The following GKN2 variants were observed in gnomAD, a reference collection of about 807,000 sequenced individuals.
GKN2 encodes the protein gastrokine 2.
Under a neutral mutation model 22.7 loss-of-function variants are expected in GKN2, and 17 were observed. The ratio of observed to expected loss-of-function variants is 0.75; its 90% CI spans 0.51 to 1.13. The LOEUF (loss-of-function observed/expected upper bound fraction) is 1.13, where lower values mean the gene tolerates loss of function less well. Ranked by LOEUF, GKN2 falls within the 50% of genes most tolerant of loss-of-function variation. The pLI is 0.00. For missense variants in GKN2, 248 were observed against 221.4 expected (o/e 1.12, Z -0.76); for synonymous variants, 82 against 79.6 (o/e 1.03, Z -0.16).
At chr2:68,946,004 T>C (rs577477007) in intron 5 of GKN2, 2 of 395,502 alleles carry the variant, frequency 5.1e-6, no homozygotes, top group Non-Finnish European at 8.9e-6. Context: ...AATTCTTACA[T>C]ATGAAAGTAT....
rs915027651 is a variant in GKN2, at chr2:68,950,593, C to G, written c.66+109G>C. ...TCCATTATTGGTTATTTCTGAGATT[C>G]CATCCCAAATAAGGCATATGGCCTC... On this transcript the variant is annotated intron_variant, in intron 2 of 5. Coordinates refer to ENST00000328895, the MANE Select transcript of GKN2 (RefSeq NM_182536.3). 7 of 928,916 alleles carry G rather than the reference C, an allele frequency of 7.5e-6. No individual in the cohort carries two copies. The African/African-American group carries it at 9.9e-5, about 13-fold the overall frequency. 57.5% of individuals were successfully genotyped at this position (928,916 alleles called of 1,614,324 possible).
At position 68,945,242 on chromosome 2, in the gene GKN2, C is replaced by T. The variant is rs1323916242; in HGVS notation, c.*126G>A. On this transcript the variant is annotated 3_prime_UTR_variant, in exon 6 of 6. Transcript: ENST00000328895. The stretch of plus-strand genomic sequence containing the variant: ...ACAAACACCAAAAAATCTATAAATA[C>T]AGCATTTATATTTTCTGACTGAATC... 4.4e-6 allele frequency: 3 copies of T among 682,476 alleles called. No homozygotes were observed. Among genetic ancestry groups the T allele is most frequent in the South Asian group, 5.5e-5 (2 of 36,632 alleles). 42.3% of individuals were successfully genotyped at this position (682,476 alleles called of 1,614,324 possible).
At chr2:68,946,543 C>G (rs976753670) in intron 4 of GKN2, 83 bp from the exon 5 acceptor site, 3 of 1,185,420 alleles carry the variant, frequency 2.5e-6, no homozygotes, top group Non-Finnish European at 3.5e-6. Flanking sequence ...GACAATTTTT[C>G]TCTTTCAGAT....
rs945737072 is a variant in GKN2 at position 68,947,095 on chromosome 2, C to T, written c.315+52G>A. ...ACACTCTTCATTTCTCCATAAATAC[C>T]AGTATTGCCTGGCTTAAGAACAGAG... is the stretch of plus-strand genomic sequence containing the variant. On this transcript the variant is annotated intron_variant, in intron 4 of 5. Transcript: ENST00000328895. The T allele has an allele frequency of 7.7e-6, 8 of 1,042,108 alleles. No homozygotes were observed. In the African/African-American group the frequency reaches 9.4e-5, roughly 12 times the overall value. 64.6% of individuals were successfully genotyped at this position (1,042,108 alleles called of 1,614,324 possible). A position where few individuals can be genotyped will look rare whatever the true frequency, so the allele number is the denominator to read the frequency against.
At chr2:68,950,836 G>T (rs1669844442) in intron 1 of GKN2, 81 bp from the exon 2 acceptor site, 1 of 1,412,354 alleles carries the variant, frequency 7.1e-7, no homozygotes, top group African/African-American at 1.4e-5. Context: ...GACAGGAAAG[G>T]CACAGATATC....
At chr2:68,952,094 C>G (rs1478722751) in intron 1 of GKN2, among the ~76,000 whole-genome samples, 1 of 152,188 alleles carries the variant, frequency 6.6e-6, no homozygotes, top group Non-Finnish European at 1.5e-5. Flanking sequence ...TAGGTCAGAA[C>G]ATAGCCCACT....
At chr2:68,945,920 T>G in intron 5 of GKN2, 1 of 271,732 alleles carries the variant, frequency 3.7e-6, no homozygotes, top group Non-Finnish European at 6.9e-6. Flanking sequence ...CCTGAGAGCA[T>G]TTCTTAGTGA....
chr2:68,949,465 G>A (rs1669822743), intron 3 of GKN2, among the ~76,000 whole-genome samples: 1 of 151,918 alleles, frequency 6.6e-6, no homozygotes, highest in South Asian at 2.1e-4. Context: ...TGTCACCCAG[G>A]CTGGAGTGCA....
chr2:68,946,500 T>A lies in GKN2; in HGVS notation c.316-40A>T, dbSNP rs1404194195. The A allele has an allele frequency of 2.7e-6, 4 of 1,498,644 alleles. No homozygotes were observed. The Admixed American group carries it at 7.1e-5, about 27-fold the overall frequency. The allele number at this position is 1,498,644 out of a possible 1,614,324, so 92.8% of individuals were successfully genotyped here. ...CAGAAAAGAACAACATAAAATAAAT[T>A]GACAAAAATTGGTGTACCTTATTCT... On this transcript the variant is annotated intron_variant, in intron 4 of 5. Transcript: ENST00000328895.
chr2:68,951,333 C>A (rs1176089902), intron 1 of GKN2, among the ~76,000 whole-genome samples: 1 of 152,194 alleles, frequency 6.6e-6, no homozygotes, highest in Non-Finnish European at 1.5e-5. Flanking sequence ...CCCCCATATT[C>A]TCCTATGCCT....
intron 1 of GKN2, among the ~76,000 whole-genome samples, chr2:68,951,216 T>A (rs73935454): frequency 0.031 from 4,717 of 152,178 alleles, 223 homozygotes; most frequent in African/African-American, 0.11. Context: ...GTAATACAGA[T>A]TTAAAATGAA....
chr2:68,949,229 T>C (rs1231403706), intron 3 of GKN2, among the ~76,000 whole-genome samples: 2 of 152,164 alleles, frequency 1.3e-5, no homozygotes, highest in Non-Finnish European at 2.9e-5. Flanking sequence ...TGTGACTTAT[T>C]GTTAATGCCA....
At chr2:68,948,218 C>G (rs930442550) in intron 3 of GKN2, among the ~76,000 whole-genome samples, 1 of 140,670 alleles carries the variant, frequency 7.1e-6, no homozygotes, top group Non-Finnish European at 1.5e-5. Context: ...TGGACTCCAG[C>G]CTGGGTGACA....
chr2:68,950,203 C>A lies in GKN2; in HGVS notation c.127G>T (p.Asp43Tyr). The change falls in exon 3 of 6, where the codon GAT (aspartate) becomes TAT (tyrosine). Residue 43 changes from aspartate (D) to tyrosine (Y), a missense_variant. Asp to Tyr is a radical substitution (Grantham distance 160). Coordinates refer to ENST00000328895, the MANE Select transcript of GKN2 (RefSeq NM_182536.3). ...ATGATGGCGGTATTTTTTTCATTAT[C>A]AATTGTCACTGTCTCCTGAACATTG... Reference protein sequence around the residue: ...GGNVQETVTIDNEKNTAIINI... With the variant: ...GGNVQETVTIYNEKNTAIINI... The A allele has an allele frequency of 6.2e-7, 1 of 1,613,686 alleles. No homozygotes were observed. The highest frequency in any genetic ancestry group is 8.5e-7 in the Non-Finnish European group (1 of 1,179,722).
intron 1 of GKN2, among the ~76,000 whole-genome samples, chr2:68,952,446 T>C (rs1312556707): frequency 6.6e-6 from 1 of 152,228 alleles, no homozygotes; most frequent in Non-Finnish European, 1.5e-5. Context: ...AGGCTTAGTA[T>C]GCATTTGAGA....
chr2:68,950,912 C>T (rs972382519), intron 1 of GKN2, among the ~76,000 whole-genome samples, 157 bp from the exon 2 acceptor site: 1 of 152,196 alleles, frequency 6.6e-6, no homozygotes, highest in Non-Finnish European at 1.5e-5. Context: ...TCCACGCACA[C>T]ATTGATTGGC....
At chr2:68,950,385 C>T in intron 2 of GKN2, 122 bp from the exon 3 acceptor site, 1 of 938,972 alleles carries the variant, frequency 1.1e-6, no homozygotes, top group South Asian at 1.8e-5. Flanking sequence ...AAACTGTCCA[C>T]TGGGGTCCCA....
intron 5 of GKN2, chr2:68,945,999 T>G: frequency 2.6e-6 from 1 of 389,982 alleles, no homozygotes. Context: ...CTTGAAATTC[T>G]TACATATGAA....
At chr2:68,947,067 C>T in intron 4 of GKN2, 80 bp downstream of exon 4, 2 of 854,168 alleles carry the variant, frequency 2.3e-6, no homozygotes, top group Non-Finnish European at 4.1e-6. Flanking sequence ...GATCTTCTCC[C>T]TCACACTCTT....
Sources: allele counts gnomAD v4.1 joint callset (sites outside exome capture counted in the v4.1 genomes callset), GRCh38; gene constraint gnomAD v4.1.1; transcripts MANE v1.5; gene names NCBI Gene and HGNC (gene_info 2026-07-23, HGNC 2026-07-21).